ATP8A2: variants seen among roughly 807,000 people sequenced by gnomAD.
ATP8A2 encodes phospholipid-transporting ATPase IB.
Under a neutral mutation model 165.6 loss-of-function variants are expected in ATP8A2, and 100 were observed. That is an observed-to-expected ratio of 0.60 (90% CI 0.51 to 0.71). The LOEUF (loss-of-function observed/expected upper bound fraction) is 0.71. Ranked by LOEUF, ATP8A2 falls within the 30% of genes least tolerant of loss-of-function variation. The pLI, the probability that ATP8A2 is intolerant of heterozygous loss-of-function variation, is 0.00. For synonymous variants in ATP8A2, 543 were observed against 548.8 expected, an observed-to-expected ratio of 0.99 and a Z score of 0.15; for missense variants, 1,227 against 1,479.5, an observed-to-expected ratio of 0.83 and a Z score of 2.80.
intron 11 of ATP8A2, among the ~76,000 whole-genome samples, chr13:25,552,804 G>A (rs574425957): frequency 2.6e-5 from 4 of 152,180 alleles, no homozygotes; most frequent in African/African-American, 9.6e-5. Flanking sequence ...GGAAGTGAAG[G>A]GATTGTGGAA....
At chr13:25,574,326 C>T (rs1019112210) in intron 18 of ATP8A2, among the ~76,000 whole-genome samples, 4 of 152,176 alleles carry the variant, frequency 2.6e-5, no homozygotes, top group African/African-American at 7.2e-5. Flanking sequence ...TATTTGGCAG[C>T]AAAACCTAAT....
intron 25 of ATP8A2, among the ~76,000 whole-genome samples, chr13:25,752,199 G>A (rs1271082864): frequency 6.6e-5 from 10 of 152,050 alleles, no homozygotes; most frequent in African/African-American, 1.4e-4. Flanking sequence ...AGTGGCTCAC[G>A]CCTGTAATCC....
At chr13:25,627,244 G>A (rs1593680368) in intron 24 of ATP8A2, among the ~76,000 whole-genome samples, 1 of 152,136 alleles carries the variant, frequency 6.6e-6, no homozygotes, top group East Asian at 1.9e-4. Flanking sequence ...GTGTGGCAGA[G>A]CCTCAGGAGC....
chr13:25,874,731 A>T (rs977238282), intron 33 of ATP8A2, among the ~76,000 whole-genome samples: 2 of 152,208 alleles, frequency 1.3e-5, no homozygotes, highest in Admixed American at 6.5e-5. Flanking sequence ...ACCCAAAAGG[A>T]TTGAAAACAG....
At position 25,721,979 on chromosome 13, in the gene ATP8A2, G is replaced by A. The variant is rs1280447901; in HGVS notation, c.2384+22634G>A. Among the ~76,000 whole-genome samples the A allele has an allele frequency of 4.6e-5, 7 of 152,284 alleles. 1 individual carries two copies. Among genetic ancestry groups the A allele is most frequent in the Middle Eastern group, 6.8e-3 (2 of 294 alleles). ...GTATATGCCCAGGAGTGAAATCACT[G>A]GCTGAATGGTAACTGTATGTTTAAC... On this transcript the variant is annotated intron_variant, in intron 25 of 36. Coordinates refer to ENST00000381655, the MANE Select transcript of ATP8A2 (RefSeq NM_016529.6).
intron 27 of ATP8A2, 56 bp from the exon 28 acceptor site, chr13:25,828,062 T>G (rs1042230673): frequency 4.3e-6 from 6 of 1,410,150 alleles, no homozygotes. Flanking sequence ...CTTCAGTGAA[T>G]GGAAACATTT....
intron 2 of ATP8A2, among the ~76,000 whole-genome samples, chr13:25,501,603 A>C (rs2036854133): frequency 6.6e-6 from 1 of 152,248 alleles, no homozygotes. Context: ...GTGAAGCCCC[A>C]GGGGCCAGAG....
chr13:25,619,263 CAGGTTTCCTG>C (rs2040908582), intron 24 of ATP8A2, among the ~76,000 whole-genome samples: 1 of 152,116 alleles, frequency 6.6e-6, no homozygotes, highest in Non-Finnish European at 1.5e-5. Context: ...AGAAGACAGC[CAGGTTTCCTG>C]AGGATTTGAA....
chr13:25,930,361 A>T, intron 33 of ATP8A2, among the ~76,000 whole-genome samples: 1 of 90,560 alleles, frequency 1.1e-5, no homozygotes, highest in South Asian at 3.6e-4. Context: ...CTATCTGCCC[A>T]CCTCCGCCCC....
rs140416056 is a variant in ATP8A2, at chr13:25,670,568, G to A, written c.2212-28605G>A. 4.3e-3 allele frequency among the ~76,000 whole-genome samples: 661 copies of A among 152,256 alleles called. 1 individual carries two copies. Among genetic ancestry groups the A allele is most frequent in the African/African-American group, 0.015 (603 of 41,538 alleles). On this transcript the variant is annotated intron_variant, in intron 24 of 36. Coordinates refer to ENST00000381655, the MANE Select transcript of ATP8A2 (RefSeq NM_016529.6). Reference sequence around the variant, plus strand: ...TGAAAATGGTTTCCCATTTTCAGAAGACTGGTTTACCACCTTTTGGCTGGC... The same window carrying A: ...TGAAAATGGTTTCCCATTTTCAGAAAACTGGTTTACCACCTTTTGGCTGGC...
At chr13:25,608,574 T>C (rs1028163059) in intron 24 of ATP8A2, among the ~76,000 whole-genome samples, 2 of 152,170 alleles carry the variant, frequency 1.3e-5, no homozygotes, top group African/African-American at 4.8e-5. Flanking sequence ...AAACTTTTTC[T>C]GTAAAGGACT....
At position 25,540,398 on chromosome 13, in the gene ATP8A2, C is replaced by T. The variant is rs775377304; in HGVS notation, c.651+10C>T. The T allele has an allele frequency of 6.3e-7, 1 of 1,586,754 alleles. No homozygotes were observed. The highest frequency in any genetic ancestry group is 8.7e-7 in the Non-Finnish European group (1 of 1,155,022). On this transcript the variant is annotated intron_variant, in intron 8 of 36. Transcript: ENST00000381655. ...CCTTAAAATACGTCAGGTAAAGTCA[C>T]CTCTGATGACTTGTGTTGTTATGGT...
intron 1 of ATP8A2, among the ~76,000 whole-genome samples, chr13:25,460,824 T>G (rs2035483956): frequency 6.6e-6 from 1 of 152,212 alleles, no homozygotes; most frequent in Non-Finnish European, 1.5e-5. Flanking sequence ...TAATCATTCT[T>G]ATAAGCCTAT....
chr13:26,010,814 A>G (rs1183311462), intron 35 of ATP8A2, among the ~76,000 whole-genome samples: 1 of 152,264 alleles, frequency 6.6e-6, no homozygotes, highest in African/African-American at 2.4e-5. Flanking sequence ...TTTCTTCCTC[A>G]GCCATGAGAC....
intron 2 of ATP8A2, among the ~76,000 whole-genome samples, chr13:25,511,907 T>C (rs1338344747): frequency 6.6e-6 from 1 of 151,708 alleles, no homozygotes; most frequent in Non-Finnish European, 1.5e-5. Flanking sequence ...TTTTTTTTAT[T>C]GATCATTCTT....
intron 1 of ATP8A2, among the ~76,000 whole-genome samples, chr13:25,437,762 A>G (rs1300495343): frequency 6.6e-6 from 1 of 152,226 alleles, no homozygotes; most frequent in Non-Finnish European, 1.5e-5. Context: ...CTCCTGCTTT[A>G]TCTGAAGTCT....
intron 24 of ATP8A2, among the ~76,000 whole-genome samples, chr13:25,668,429 CTCTT>C (rs1447628036): frequency 3.3e-5 from 5 of 152,032 alleles, no homozygotes; most frequent in Admixed American, 6.5e-5. Flanking sequence ...AATAAGTTGC[CTCTT>C]TCTTTCTGTT....
At chr13:25,604,153 A>G (rs1294903346) in intron 24 of ATP8A2, among the ~76,000 whole-genome samples, 1 of 152,112 alleles carries the variant, frequency 6.6e-6, no homozygotes, top group African/African-American at 2.4e-5. Flanking sequence ...TTGAGAAAAT[A>G]TGGACATTGA....
At chr13:25,512,998 C>A (rs188464215) in intron 2 of ATP8A2, among the ~76,000 whole-genome samples, 1 of 133,804 alleles carries the variant, frequency 7.5e-6, no homozygotes, top group Non-Finnish European at 1.7e-5. Flanking sequence ...GGTGGCTGGC[C>A]GGGCGGGGGG....
Sources: gnomAD v4.1 joint callset for allele counts (sites outside exome capture counted in the v4.1 genomes callset) on GRCh38, gnomAD v4.1.1 for gene constraint, MANE v1.5 for transcripts, NCBI Gene and HGNC (gene_info 2026-07-23, HGNC 2026-07-21) for gene names.